D2HGDH: variants seen among roughly 807,000 people sequenced by gnomAD.
The protein encoded by D2HGDH is D-2-hydroxyglutarate dehydrogenase, also known as D-2-hydroxyglutarate dehydrogenase, mitochondrial.
A neutral mutation model predicts 46.9 loss-of-function variants in D2HGDH; 31 were observed. The ratio of observed to expected loss-of-function variants is 0.66; its 90% confidence interval spans 0.50 to 0.89. D2HGDH has a LOEUF of 0.89. Among genes scored for constraint, D2HGDH ranks in the 40% least tolerant of loss-of-function variants. The pLI is 0.00. For synonymous variants in D2HGDH, 364 were observed against 332.6 expected (o/e 1.09, Z -1.03); for missense variants, 698 against 720.8 (o/e 0.97, Z 0.36).
Position 241,742,609 on chromosome 2 carries a change from C to T in D2HGDH, c.490+35C>T. 6.2e-7 allele frequency: 1 copy of T among 1,613,018 alleles called. No individual in the cohort carries two copies. The highest frequency in any genetic ancestry group is 8.5e-7 in the Non-Finnish European group (1 of 1,179,162). ...TGCCACCCGTCGGGGCCCAGGAGTCCCTCCTGGTGCTGGTGGAGTTCTTCC... is the reference window on the plus strand; with the variant it reads ...TGCCACCCGTCGGGGCCCAGGAGTCTCTCCTGGTGCTGGTGGAGTTCTTCC... On this transcript the variant is annotated intron_variant, in intron 4 of 9. Coordinates refer to ENST00000321264, the MANE Select transcript of D2HGDH (RefSeq NM_152783.5). This position sits in a 1 kb window ranked among gnomAD's most constrained non-coding sequence, Gnocchi z 4.8.
At chr2:241,746,608 G>T (rs933667404) in intron 6 of D2HGDH, among the ~76,000 whole-genome samples, 2 of 152,108 alleles carry the variant, frequency 1.3e-5, no homozygotes, top group Non-Finnish European at 2.9e-5. Flanking sequence ...ACAAAAATTA[G>T]GCTGGGCACA....
At chr2:241,741,996 G>GC (rs1200824486) in intron 3 of D2HGDH, among the ~76,000 whole-genome samples, 3 of 152,214 alleles carry the variant, frequency 2.0e-5, no homozygotes, top group Non-Finnish European at 4.4e-5. Context: ...TTGCAAAGGT[G>GC]CAGGCTGGTT....
intron 8 of D2HGDH, among the ~76,000 whole-genome samples, chr2:241,754,248 C>A (rs901490963): frequency 6.6e-6 from 1 of 152,332 alleles, no homozygotes; most frequent in African/African-American, 2.4e-5. Flanking sequence ...AAGCCGGCCT[C>A]GCAGCCGTGC....
chr2:241,763,888 A>G (rs1184243944), intron 9 of D2HGDH, among the ~76,000 whole-genome samples: 1 of 151,926 alleles, frequency 6.6e-6, no homozygotes, highest in East Asian at 1.9e-4. Context: ...CGCCGTTTCT[A>G]CAAAAAAAAT....
At position 241,756,016 on chromosome 2, in the gene D2HGDH, T is replaced by C. The variant is rs797045507; in HGVS notation, c.1306+2T>C. ...ACGTGGTGGGCTATGGCCACCTTGG[T>C]GAGCGGCGCCCCGGGGCCGCGGCCC... On this transcript the variant is annotated splice_donor_variant, in intron 9 of 9. Transcript: ENST00000321264. LOFTEE classifies it high-confidence loss of function. 10 of 1,595,006 alleles carry C rather than the reference T, an allele frequency of 6.3e-6. No homozygotes were observed. Among genetic ancestry groups the C allele is most frequent in the Non-Finnish European group, 8.6e-6 (10 of 1,166,344 alleles).
intron 9 of D2HGDH, among the ~76,000 whole-genome samples, chr2:241,761,701 C>G (rs1461381563): frequency 2.0e-5 from 3 of 152,122 alleles, no homozygotes; most frequent in Non-Finnish European, 4.4e-5. Context: ...GTGGTGTATT[C>G]TGGTTCTGCC....
Position 241,767,858 on chromosome 2 carries a change from C to T in D2HGDH, c.1455C>T (p.Val485=). ...EHGVGFRKRD[V]LGYSKPPGAL... is the part of the protein sequence containing the mutation. Reference sequence around the variant, plus strand: ...GAGTGGGCTTCAGGAAGAGGGACGTCCTGGGCTACAGCAAGCCACCGGGGG... The same window carrying T: ...GAGTGGGCTTCAGGAAGAGGGACGTTCTGGGCTACAGCAAGCCACCGGGGG... The change falls in exon 10 of 10, where the codon GTC becomes GTT. Residue 485 remains valine (V), a synonymous_variant. Transcript: ENST00000321264. 1 of 1,611,242 alleles carries T rather than the reference C, an allele frequency of 6.2e-7. No individual in the cohort carries two copies. The highest frequency in any genetic ancestry group is 8.5e-7 in the Non-Finnish European group (1 of 1,179,100).
At chr2:241,739,191 G>A (rs908057425) in intron 2 of D2HGDH, among the ~76,000 whole-genome samples, 1 of 152,222 alleles carries the variant, frequency 6.6e-6, no homozygotes, top group African/African-American at 2.4e-5. Flanking sequence ...CCGTTAGAAG[G>A]TAAACATCAC....
rs958558467 is a variant in D2HGDH at position 241,742,690 on chromosome 2, G to A, written c.490+116G>A. ...GGTGGGTGAATGAGTTAGGGCCGGCGCTGGGGAAAGAACCAGCGTCTGTAG... is the reference window on the plus strand; with the variant it reads ...GGTGGGTGAATGAGTTAGGGCCGGCACTGGGGAAAGAACCAGCGTCTGTAG... On this transcript the variant is annotated intron_variant, in intron 4 of 9. Coordinates refer to ENST00000321264, the MANE Select transcript of D2HGDH (RefSeq NM_152783.5). The surrounding 1 kb of genome is among the most constrained non-coding windows in gnomAD (Gnocchi z 4.8). 14 of 1,361,882 alleles carry A rather than the reference G, an allele frequency of 1.0e-5. No homozygotes were observed. The East Asian group carries it at 2.6e-4, about 25-fold the overall frequency. The allele number at this position is 1,361,882 out of a possible 1,614,324, so 84.4% of individuals were successfully genotyped here. A position where few individuals can be genotyped will look rare whatever the true frequency, so the allele number is the denominator to read the frequency against.
rs1699238387 is a variant in D2HGDH at position 241,767,507 on chromosome 2, T to TGGGGAGAGAAGC, written c.1307-202_1307-191dup. Reference sequence around the variant, plus strand: ...GGGAGTAGGAAGAGGGGGGAGAACTTGGGGAGAGAAGCAGGGAGAAGCCAA... The same window carrying TGGGGAGAGAAGC: ...GGGAGTAGGAAGAGGGGGGAGAACTTGGGGAGAGAAGCGGGGAGAGAAGCAGGGAGAAGCCAA... On this transcript the variant is annotated intron_variant, in intron 9 of 9. Coordinates refer to ENST00000321264, the MANE Select transcript of D2HGDH (RefSeq NM_152783.5). 2.1e-5 allele frequency among the ~76,000 whole-genome samples: 3 copies of TGGGGAGAGAAGC among 141,038 alleles called. No homozygotes were observed. In the South Asian group the frequency reaches 6.7e-4, roughly 32 times the overall value. 92.5% of individuals were successfully genotyped at this position (141,038 alleles called of 152,430 possible).
At chr2:241,759,633 C>G (rs191227707) in intron 9 of D2HGDH, among the ~76,000 whole-genome samples, 1 of 152,304 alleles carries the variant, frequency 6.6e-6, no homozygotes, top group Admixed American at 6.5e-5. Flanking sequence ...CTGCTGAGCA[C>G]GTGCTGTGGC....
Position 241,755,844 on chromosome 2 carries a change from T to G in D2HGDH, c.1141-5T>G. On this transcript the variant is annotated splice_region_variant and splice_polypyrimidine_tract_variant and intron_variant, in intron 8 of 9. Coordinates refer to ENST00000321264, the MANE Select transcript of D2HGDH (RefSeq NM_152783.5). ...GCCCTTGTCTCATCTCGTCTCATCC[T>G]CTAGATGCTGTGGGCCCTGAGGGAA... The G allele has an allele frequency of 6.2e-7, 1 of 1,611,934 alleles. No homozygotes were observed. The highest frequency in any genetic ancestry group is 1.1e-5 in the South Asian group (1 of 91,016).
chr2:241,750,087 A>AG, intron 6 of D2HGDH, 64 bp from the exon 7 acceptor site: 2 of 1,611,826 alleles, frequency 1.2e-6, no homozygotes, highest in South Asian at 1.1e-5. Flanking sequence ...GCTGCTTTGA[A>AG]GGGGGACTTG....
intron 8 of D2HGDH, among the ~76,000 whole-genome samples, chr2:241,752,996 C>T (rs1236589438): frequency 1.3e-5 from 2 of 152,022 alleles, no homozygotes; most frequent in South Asian, 4.1e-4. Context: ...CCCAGCCCCT[C>T]CACAGCCTGG....
chr2:241,760,832 C>T lies in D2HGDH; in HGVS notation c.1306+4818C>T, dbSNP rs1333360481. On this transcript the variant is annotated intron_variant, in intron 9 of 9. Coordinates refer to ENST00000321264, the MANE Select transcript of D2HGDH (RefSeq NM_152783.5). Reference sequence around the variant, plus strand: ...ATCTCCAGCCTGCTGACCTGGACTTCAGATTTTAGACTTAGCTCCCTCAGT... The same window carrying T: ...ATCTCCAGCCTGCTGACCTGGACTTTAGATTTTAGACTTAGCTCCCTCAGT... Among the ~76,000 whole-genome samples, 3 of 152,280 alleles carry T rather than the reference C, an allele frequency of 2.0e-5. No homozygotes were observed. The East Asian group carries it at 5.8e-4, about 29-fold the overall frequency.
rs1006098276 is a variant in D2HGDH, at chr2:241,768,354, C to G, written c.*385C>G. The stretch of plus-strand genomic sequence containing the variant: ...TGGTTCTGCCTGCTTGCTGCTCGTT[C>G]CCCGGGCATGCGTGGGCAGCGGGGG... On this transcript the variant is annotated 3_prime_UTR_variant, in exon 10 of 10. Coordinates refer to ENST00000321264, the MANE Select transcript of D2HGDH (RefSeq NM_152783.5). 2.7e-5 allele frequency: 6 copies of G among 219,808 alleles called. No homozygotes were observed. Among genetic ancestry groups the G allele is most frequent in the African/African-American group, 1.4e-4 (6 of 42,986 alleles). The allele number at this position is 219,808 out of a possible 1,614,324, so 13.6% of individuals were successfully genotyped here.
rs1559354644 is a variant in D2HGDH, at chr2:241,742,160, G to A, written c.351-275G>A. On this transcript the variant is annotated intron_variant, in intron 3 of 9. Transcript: ENST00000321264. This position sits in a 1 kb window ranked among gnomAD's most constrained non-coding sequence, Gnocchi z 4.8. Reference sequence around the variant, plus strand: ...GGTGTGAACGGGAAGGATGGGAGCCGGGCGTGTAGGACGTTCTGTCCTTTG... The same window carrying A: ...GGTGTGAACGGGAAGGATGGGAGCCAGGCGTGTAGGACGTTCTGTCCTTTG... 1.3e-5 allele frequency among the ~76,000 whole-genome samples: 2 copies of A among 152,116 alleles called. No individual in the cohort carries two copies. The highest frequency in any genetic ancestry group is 6.5e-5 in the Admixed American group (1 of 15,276).
intron 6 of D2HGDH, among the ~76,000 whole-genome samples, chr2:241,746,678 A>G (rs898672604): frequency 2.0e-5 from 3 of 152,080 alleles, no homozygotes; most frequent in Admixed American, 6.6e-5. Context: ...TCACGAGGTC[A>G]GGAGTTTGAG....
At chr2:241,747,027 G>C (rs1407672010) in intron 6 of D2HGDH, among the ~76,000 whole-genome samples, 1 of 152,020 alleles carries the variant, frequency 6.6e-6, no homozygotes, top group Non-Finnish European at 1.5e-5. Context: ...AAGTGCAGTG[G>C]TGTGATCATA....
Sources: gnomAD v4.1 joint callset for allele counts (sites outside exome capture counted in the v4.1 genomes callset) on GRCh38, gnomAD v4.1.1 for gene constraint, Gnocchi (gnomAD v3.1) non-coding constraint, MANE v1.5 for transcripts, NCBI Gene and HGNC (gene_info 2026-07-23, HGNC 2026-07-21) for gene names.